Variants in ARAP3 observed in about 807,000 individuals in gnomAD.
ARAP3 encodes ArfGAP with RhoGAP domain, ankyrin repeat and PH domain 3.
A neutral mutation model predicts 169.2 loss-of-function variants in ARAP3; 82 were observed. The observed-to-expected ratio is 0.48, with a 90% confidence interval of 0.41 to 0.58. The LOEUF (loss-of-function observed/expected upper bound fraction) is 0.58. Ranked by LOEUF, ARAP3 falls within the 20% of genes least tolerant of loss-of-function variation. The probability of loss-of-function intolerance (pLI) is 0.00; values close to 1 mark genes in which losing one functional copy is unlikely to be tolerated. For synonymous variants in ARAP3, 791 were observed against 800.3 expected (o/e 0.99, Z 0.20); for missense variants, 1,764 against 2,018.0 (o/e 0.87, Z 2.41).
At chr5:141,668,945 CA>C (rs1417151128) in intron 16 of ARAP3, among the ~76,000 whole-genome samples, 1 of 152,138 alleles carries the variant, frequency 6.6e-6, no homozygotes. Context: ...AGGAAGGCAC[CA>C]GGGTGAAAAG....
chr5:141,665,317 G>A lies in ARAP3; in HGVS notation c.2630C>T (p.Thr877Ile). The change falls in exon 18 of 33, where the codon ACA becomes ATA. Residue 877 changes from threonine (T) to isoleucine (I), a missense_variant. By Grantham distance (89) the Thr-to-Ile change is moderately conservative (BLOSUM62 -1). Coordinates refer to ENST00000239440, the MANE Select transcript of ARAP3 (RefSeq NM_022481.6). ...DKKEHLVLVE[T>I]GRTLYLQGEG... ...AAGGGCAGGGGCAATTTACCTTCCT[G>A]TCTCCACCAGGACCAAATGCTCTTT... is the stretch of plus-strand genomic sequence containing the variant. 6.2e-7 allele frequency: 1 copy of A among 1,614,218 alleles called. No homozygotes were observed. Among genetic ancestry groups the A allele is most frequent in the Non-Finnish European group, 8.5e-7 (1 of 1,180,040 alleles).
chr5:141,678,855 T>C (rs2099912577), intron 4 of ARAP3, among the ~76,000 whole-genome samples: 1 of 152,250 alleles, frequency 6.6e-6, no homozygotes, highest in Admixed American at 6.5e-5. Context: ...CGTTCTATAG[T>C]ATTTAATGTA....
chr5:141,655,802 A>C, intron 30 of ARAP3, 44 bp from the exon 31 acceptor site: 1 of 1,614,152 alleles, frequency 6.2e-7, no homozygotes, highest in Non-Finnish European at 8.5e-7. Context: ...CATGAAAGGC[A>C]CTGAGGAGGA....
Position 141,672,705 on chromosome 5 carries a change from G to A in ARAP3, c.1278+36C>T, listed in dbSNP as rs184876109. The A allele has an allele frequency of 7.4e-6, 12 of 1,614,032 alleles. No individual in the cohort carries two copies. The highest frequency in any genetic ancestry group is 1.3e-5 in the African/African-American group (1 of 74,938). On this transcript the variant is annotated intron_variant, in intron 8 of 32. Coordinates refer to ENST00000239440, the MANE Select transcript of ARAP3 (RefSeq NM_022481.6). The surrounding 1 kb of genome is among the most constrained non-coding windows in gnomAD (Gnocchi z 4.9). ...CATCATGAGGTGCCAGAAGGGACTA[G>A]TTCAGGCCCCTCAGCCCTGGCCCGG...
Position 141,666,553 on chromosome 5 carries a change from G to T in ARAP3, c.2443C>A (p.Pro815Thr), listed in dbSNP as rs755817167. The change falls in exon 17 of 33, where the codon CCG (proline) becomes ACG (threonine). Residue 815 changes from proline (P) to threonine (T), a missense_variant. Transcript: ENST00000239440. ...LWLRSPSHTA[P>T]APGLWLSGFG... ...CCTGACAGCCAGAGACCAGGGGCCG[G>T]GGCTGTATGGGAGGGGGACCGCAGC... 1.3e-6 allele frequency: 2 copies of T among 1,583,908 alleles called. No homozygotes were observed. The highest frequency in any genetic ancestry group is 3.7e-5 in the Admixed American group (2 of 54,680).
At chr5:141,662,830 A>G (rs1175840066) in intron 19 of ARAP3, among the ~76,000 whole-genome samples, 3 of 152,228 alleles carry the variant, frequency 2.0e-5, no homozygotes, top group East Asian at 1.9e-4. Flanking sequence ...AAGCTGTGAC[A>G]TGCCTTACAG....
intron 4 of ARAP3, 90 bp downstream of exon 4, chr5:141,679,455 A>C: frequency 7.8e-7 from 1 of 1,289,136 alleles, no homozygotes; most frequent in Non-Finnish European, 1.1e-6. Context: ...GCTGGTGAAT[A>C]CTCAATGCAC....
rs758712848 is a variant in ARAP3 at position 141,673,708 on chromosome 5, CCT to C, written c.797_798del (p.Glu266GlyfsTer4). On this transcript the variant is annotated frameshift_variant, in exon 5 of 33. Coordinates refer to ENST00000239440, the MANE Select transcript of ARAP3 (RefSeq NM_022481.6). LOFTEE classifies it high-confidence loss of function. ...STLLSPTLET[E>X]ETSDDLISPY... ...GGTGAAATGAGGTCATCACTGGTCTCCTCTGTTTCCAGGGTGGGCGATAAGAG... is the reference window on the plus strand; with the variant it reads ...GGTGAAATGAGGTCATCACTGGTCTCCTGTTTCCAGGGTGGGCGATAAGAG... 1.2e-6 allele frequency: 2 copies of C among 1,614,212 alleles called. No homozygotes were observed. Among genetic ancestry groups the C allele is most frequent in the Non-Finnish European group, 1.7e-6 (2 of 1,180,036 alleles).
chr5:141,666,786 T>C, intron 16 of ARAP3, 143 bp from the exon 17 acceptor site: 1 of 442,716 alleles, frequency 2.3e-6, no homozygotes, highest in Non-Finnish European at 3.9e-6. Context: ...TGAAAAGGGA[T>C]GCGAGAGAGC....
At chr5:141,658,555 C>T in intron 24 of ARAP3, 24 bp downstream of exon 24, 2 of 1,614,014 alleles carry the variant, frequency 1.2e-6, no homozygotes, top group Non-Finnish European at 1.7e-6. Flanking sequence ...CTCTTATTTC[C>T]CCTCCAGTCC....
chr5:141,678,547 T>C (rs567419885), intron 4 of ARAP3, among the ~76,000 whole-genome samples: 1 of 152,154 alleles, frequency 6.6e-6, no homozygotes, highest in Non-Finnish European at 1.5e-5. Context: ...AGCCCTCTTT[T>C]TTTTTTTCTT....
Position 141,665,055 on chromosome 5 carries a change from C to T in ARAP3, c.2667G>A (p.Leu889=). Residue 889 remains leucine (L), a synonymous_variant, in exon 19 of 33, where the codon CTG becomes CTA. Transcript: ENST00000239440. ...TGGCTGCGTTCCATGCCGTGAAGTCCAGCCGGCCCTCTCCTTGCAGATACA... is the reference window on the plus strand; with the variant it reads ...TGGCTGCGTTCCATGCCGTGAAGTCTAGCCGGCCCTCTCCTTGCAGATACA... The part of the protein sequence containing the change: ...RTLYLQGEGR[L]DFTAWNAAIG... 1 of 1,613,628 alleles carries T rather than the reference C, an allele frequency of 6.2e-7. No individual in the cohort carries two copies. Among genetic ancestry groups the T allele is most frequent in the Non-Finnish European group, 8.5e-7 (1 of 1,179,770 alleles).
chr5:141,655,820 GC>G, intron 30 of ARAP3, 48 bp downstream of exon 30: 1 of 1,614,106 alleles, frequency 6.2e-7, no homozygotes, highest in South Asian at 1.1e-5. Context: ...GGACAGCTGG[GC>G]CCCAGGGGGA....
chr5:141,673,924 G>T, intron 4 of ARAP3, 116 bp from the exon 5 acceptor site: 3 of 839,068 alleles, frequency 3.6e-6, no homozygotes, highest in African/African-American at 1.7e-5. Flanking sequence ...GCAGGTACTG[G>T]ATCTGATTTT....
rs1211163018 is a variant in ARAP3, at chr5:141,654,176, G to A, written c.4409C>T (p.Pro1470Leu). ...ERPPEPPPGP[P>L]SKSSPQARGS... is the part of the protein sequence containing the mutation. ...CCGTGCCTGGGGACTGCTCTTTGAA[G>A]GGGGGCCTGGAGGGGGCTCAGGTGG... The change falls in exon 33 of 33, where the codon CCT (proline) becomes CTT (leucine). Residue 1470 changes from proline (P) to leucine (L), a missense_variant. Transcript: ENST00000239440. 4 of 1,613,764 alleles carry A rather than the reference G, an allele frequency of 2.5e-6. No homozygotes were observed. Among genetic ancestry groups the A allele is most frequent in the African/African-American group, 2.7e-5 (2 of 74,910 alleles).
chr5:141,655,182 T>TCAC (rs1491414872), intron 32 of ARAP3, among the ~76,000 whole-genome samples, 180 bp downstream of exon 32: 1 of 95,506 alleles, frequency 1.0e-5, no homozygotes, highest in African/African-American at 4.7e-5. Flanking sequence ...CCTGATGGCC[T>TCAC]ACACACACAC....
At position 141,656,579 on chromosome 5, in the gene ARAP3, G is replaced by A; in HGVS notation, c.3714C>T (p.Arg1238=). The change falls in exon 27 of 33, where the codon CGC becomes CGT. Residue 1238 remains arginine (R), a synonymous_variant. Coordinates refer to ENST00000239440, the MANE Select transcript of ARAP3 (RefSeq NM_022481.6). The part of the protein sequence containing the change: ...GLLRCREEPP[R]LLGSRFQERF... ...TCTCCTGGAAGCGGCTTCCCAGCAA[G>A]CGAGGTGGCTCCTCACGACACCGCA... 6.2e-7 allele frequency: 1 copy of A among 1,613,042 alleles called. No homozygotes were observed. The highest frequency in any genetic ancestry group is 2.2e-5 in the East Asian group (1 of 44,850).
intron 31 of ARAP3, 110 bp downstream of exon 31, chr5:141,655,511 G>T (rs1331983803): frequency 5.0e-6 from 8 of 1,585,664 alleles, no homozygotes; most frequent in African/African-American, 1.3e-5. Context: ...AGAAGGGAGG[G>T]GGACAGTGAG....
chr5:141,666,073 T>C (rs1349297592), intron 17 of ARAP3, among the ~76,000 whole-genome samples: 1 of 143,336 alleles, frequency 7.0e-6, no homozygotes, highest in African/African-American at 2.6e-5. Context: ...ATAATAATAA[T>C]AACAACATTT....
Sources: allele counts gnomAD v4.1 joint callset (sites outside exome capture counted in the v4.1 genomes callset), GRCh38; gene constraint gnomAD v4.1.1; non-coding constraint Gnocchi (gnomAD v3.1); transcripts MANE v1.5; gene names NCBI Gene and HGNC (gene_info 2026-07-23, HGNC 2026-07-21).